TRAPPC6A: variants seen among roughly 807,000 people sequenced by gnomAD.
TRAPPC6A encodes the protein trafficking protein particle complex subunit 6A, also known as TRAPP complex subunit 6A.
In TRAPPC6A, 25 loss-of-function variants were observed where a neutral mutation model predicts 20.8. The ratio of observed to expected loss-of-function variants is 1.20; its 90% CI spans 0.88 to 1.68. The LOEUF (loss-of-function observed/expected upper bound fraction) is 1.68. Among genes scored for constraint, TRAPPC6A ranks in the 40% most tolerant of loss-of-function variants. The probability of loss-of-function intolerance (pLI) is 0.00; values close to 1 mark genes in which losing one functional copy is unlikely to be tolerated. For synonymous variants in TRAPPC6A, 96 were observed against 93.3 expected (o/e 1.03, Z -0.16); for missense variants, 215 against 211.6 (o/e 1.02, Z -0.10).
intron 1 of TRAPPC6A, among the ~76,000 whole-genome samples, chr19:45,174,442 C>T (rs963083680): frequency 1.3e-5 from 2 of 152,170 alleles, no homozygotes; most frequent in Non-Finnish European, 2.9e-5. Context: ...CAGTGGTCAT[C>T]AATACACACC....
At chr19:45,175,738 C>T (rs1177262134) in intron 1 of TRAPPC6A, among the ~76,000 whole-genome samples, 1 of 151,996 alleles carries the variant, frequency 6.6e-6, no homozygotes, top group East Asian at 1.9e-4. Context: ...CTGGGCAGAG[C>T]CTGGGGGAGG....
Position 45,165,165 on chromosome 19 carries a change from C to T in TRAPPC6A, c.114G>A (p.Glu38=), listed in dbSNP as rs1969123387. Reference sequence around the variant, plus strand: ...CCTGGCCCACACGGAACCCCATACCCTCCAGGACCGACAGGCTCATCTTCT... The same window carrying T: ...CCTGGCCCACACGGAACCCCATACCTTCCAGGACCGACAGGCTCATCTTCT... The part of the protein sequence containing the change: ...GGQKMSLSVL[E]GMGFRVGQAL... Residue 38 remains glutamate (E), a synonymous_variant, in exon 2 of 6, where the codon GAG becomes GAA. Coordinates refer to ENST00000585934, the MANE Select transcript of TRAPPC6A (RefSeq NM_001270891.2). 1 of 1,609,014 alleles carries T rather than the reference C, an allele frequency of 6.2e-7. No homozygotes were observed. Among genetic ancestry groups the T allele is most frequent in the East Asian group, 2.3e-5 (1 of 44,250 alleles).
chr19:45,163,869 C>T lies in TRAPPC6A; in HGVS notation c.448+47G>A. On this transcript the variant is annotated intron_variant, in intron 5 of 5. Coordinates refer to ENST00000585934, the MANE Select transcript of TRAPPC6A (RefSeq NM_001270891.2). The surrounding 1 kb of genome is among the most constrained non-coding windows in gnomAD (Gnocchi z 5.3). Reference sequence around the variant, plus strand: ...AGTGGGGCTGGAACTCTGAAGCCCCCAGCAACTCAAGGGATGAGAAGAATC... The same window carrying T: ...AGTGGGGCTGGAACTCTGAAGCCCCTAGCAACTCAAGGGATGAGAAGAATC... 1.3e-6 allele frequency: 2 copies of T among 1,504,792 alleles called. No individual in the cohort carries two copies. The highest frequency in any genetic ancestry group is 1.2e-5 in the South Asian group (1 of 82,668). The allele number at this position is 1,504,792 out of a possible 1,614,324, so 93.2% of individuals were successfully genotyped here.
At position 45,163,988 on chromosome 19, in the gene TRAPPC6A, G is replaced by A. The variant is rs1969078745; in HGVS notation, c.376C>T (p.Leu126Phe). The stretch of plus-strand genomic sequence containing the variant: ...AGGGTATAGAGGGCGCCGCGCAGGA[G>A]GCCGCAGGTGAAGGCCAGGAACTGA... Reference protein sequence around the residue: ...APKFLAFTCGLLRGALYTLGI... With the variant: ...APKFLAFTCGFLRGALYTLGI... Residue 126 changes from leucine to phenylalanine, a missense_variant, in exon 5 of 6, where the codon CTC becomes TTC. Physicochemically the swap from Leu to Phe is conservative, Grantham distance 22. Transcript: ENST00000585934. The surrounding 1 kb of genome is among the most constrained non-coding windows in gnomAD (Gnocchi z 5.3). The A allele has an allele frequency of 1.3e-6, 2 of 1,575,932 alleles. No homozygotes were observed. Among genetic ancestry groups the A allele is most frequent in the Non-Finnish European group, 1.7e-6 (2 of 1,160,910 alleles).
At chr19:45,174,552 C>T (rs1314724195) in intron 1 of TRAPPC6A, among the ~76,000 whole-genome samples, 1 of 152,110 alleles carries the variant, frequency 6.6e-6, no homozygotes, top group African/African-American at 2.4e-5. Context: ...GCAGGGCGTG[C>T]TGGCTCACAC....
At position 45,164,258 on chromosome 19, in the gene TRAPPC6A, G is replaced by A. The variant is rs1969091669; in HGVS notation, c.271-11C>T. ...CAGGACGTAGGTCCCCTGGGGGAGAGGAGAGGCTGGTGGGTGGGGTCGGGG... is the reference window on the plus strand; with the variant it reads ...CAGGACGTAGGTCCCCTGGGGGAGAAGAGAGGCTGGTGGGTGGGGTCGGGG... On this transcript the variant is annotated splice_polypyrimidine_tract_variant and intron_variant, in intron 3 of 5. Coordinates refer to ENST00000585934, the MANE Select transcript of TRAPPC6A (RefSeq NM_001270891.2). The A allele has an allele frequency of 6.3e-7, 1 of 1,585,210 alleles. No homozygotes were observed. The highest frequency in any genetic ancestry group is 8.6e-7 in the Non-Finnish European group (1 of 1,163,212).
Position 45,163,903 on chromosome 19 carries a change from C to A in TRAPPC6A, c.448+13G>T. 2 of 1,564,006 alleles carry A rather than the reference C, an allele frequency of 1.3e-6. No individual in the cohort carries two copies. Among genetic ancestry groups the A allele is most frequent in the Non-Finnish European group, 1.7e-6 (2 of 1,152,932 alleles). On this transcript the variant is annotated intron_variant, in intron 5 of 5. Transcript: ENST00000585934. This position sits in a 1 kb window ranked among gnomAD's most constrained non-coding sequence, Gnocchi z 5.3. ...AAGGGATGAGAAGAATCCCCCCACC[C>A]CCCATGACTCACAGACGGGCAGGGC...
Position 45,173,879 on chromosome 19 carries a change from A to G in TRAPPC6A, c.84+4256T>C, listed in dbSNP as rs1237664318. The stretch of plus-strand genomic sequence containing the variant: ...GGCCTGACACTCAGGCCTCACCCCA[A>G]CCGGGTTCGTCAGAGTCTCTGGTGT... On this transcript the variant is annotated intron_variant, in intron 1 of 5. Coordinates refer to ENST00000585934, the MANE Select transcript of TRAPPC6A (RefSeq NM_001270891.2). The surrounding 1 kb of genome is among the most constrained non-coding windows in gnomAD (Gnocchi z 4.8). 6.6e-6 allele frequency among the ~76,000 whole-genome samples: 1 copy of G among 152,144 alleles called. No homozygotes were observed. The highest frequency in any genetic ancestry group is 1.5e-5 in the Non-Finnish European group (1 of 68,016).
At chr19:45,176,076 T>C (rs1343154057) in intron 1 of TRAPPC6A, among the ~76,000 whole-genome samples, 1 of 151,928 alleles carries the variant, frequency 6.6e-6, no homozygotes, top group East Asian at 1.9e-4. Context: ...CACTGCAGCC[T>C]TGAACTCCTG....
chr19:45,174,988 G>A (rs569806653), intron 1 of TRAPPC6A, among the ~76,000 whole-genome samples: 61 of 150,880 alleles, frequency 4.0e-4, no homozygotes, highest in Admixed American at 1.5e-3. Flanking sequence ...ATTGCCAGGC[G>A]CGGTGGCTCA....
chr19:45,175,388 C>T (rs1969348145), intron 1 of TRAPPC6A, among the ~76,000 whole-genome samples: 3 of 150,388 alleles, frequency 2.0e-5, no homozygotes, highest in Non-Finnish European at 1.5e-5. Flanking sequence ...GATCGCGCCA[C>T]TGCACTCCAG....
At chr19:45,168,894 G>A (rs1336104284) in intron 1 of TRAPPC6A, among the ~76,000 whole-genome samples, 5 of 152,146 alleles carry the variant, frequency 3.3e-5, no homozygotes, top group Admixed American at 3.3e-4. Flanking sequence ...GGGAATGGCG[G>A]GGGGGCCTGA....
Position 45,163,012 on chromosome 19 carries a change from CA to C in TRAPPC6A, c.*179del. 2 of 629,890 alleles carry C rather than the reference CA, an allele frequency of 3.2e-6. No homozygotes were observed. Among genetic ancestry groups the C allele is most frequent in the Non-Finnish European group, 5.4e-6 (2 of 371,628 alleles). The allele number at this position is 629,890 out of a possible 1,614,324, so 39.0% of individuals were successfully genotyped here. A position where few individuals can be genotyped will look rare whatever the true frequency, so the allele number is the denominator to read the frequency against. On this transcript the variant is annotated 3_prime_UTR_variant, in exon 6 of 6. Coordinates refer to ENST00000585934, the MANE Select transcript of TRAPPC6A (RefSeq NM_001270891.2). The surrounding 1 kb of genome is among the most constrained non-coding windows in gnomAD (Gnocchi z 5.3). ...GGGAATCCCACCACAGTCCTGACCG[CA>C]GCTGGGACCCCTTTGCCTCCTCTGA...
chr19:45,166,954 C>T (rs1022249789), intron 1 of TRAPPC6A, among the ~76,000 whole-genome samples: 3 of 152,146 alleles, frequency 2.0e-5, no homozygotes, highest in Non-Finnish European at 4.4e-5. Flanking sequence ...GGCCCAGCTG[C>T]CTCCATCCCT....
chr19:45,163,142 G>C lies in TRAPPC6A; in HGVS notation c.*50C>G. ...ATGCAGCGGCCCCACCGTCTCCTGAGGCCGGTGAGGCCAGGGGCAGCAGTG... is the reference window on the plus strand; with the variant it reads ...ATGCAGCGGCCCCACCGTCTCCTGACGCCGGTGAGGCCAGGGGCAGCAGTG... On this transcript the variant is annotated 3_prime_UTR_variant, in exon 6 of 6. Coordinates refer to ENST00000585934, the MANE Select transcript of TRAPPC6A (RefSeq NM_001270891.2). This position sits in a 1 kb window ranked among gnomAD's most constrained non-coding sequence, Gnocchi z 5.3. 1 of 1,610,348 alleles carries C rather than the reference G, an allele frequency of 6.2e-7. No individual in the cohort carries two copies. Among genetic ancestry groups the C allele is most frequent in the Non-Finnish European group, 8.5e-7 (1 of 1,176,994 alleles).
intron 1 of TRAPPC6A, among the ~76,000 whole-genome samples, chr19:45,171,348 CCAGA>C (rs1166419365): frequency 2.3e-4 from 29 of 126,082 alleles, no homozygotes; most frequent in African/African-American, 7.8e-4. Context: ...GAAGGGCTGG[CCAGA>C]CAGAGACTCT....
chr19:45,177,835 G>A (rs1416074912), intron 1 of TRAPPC6A, among the ~76,000 whole-genome samples: 1 of 152,216 alleles, frequency 6.6e-6, no homozygotes, highest in Non-Finnish European at 1.5e-5. Context: ...CGCACACCTA[G>A]TAAGTGGGGG....
In TRAPPC6A at chr19:45,165,018, G is replaced by A. The variant is rs757127467; in HGVS notation, c.153-48C>T. ...AGGCCGTGGGGCCAGGCCAGGAAGAGGGAGGAAGACAGGCCCGACTCCTGC... is the reference window on the plus strand; with the variant it reads ...AGGCCGTGGGGCCAGGCCAGGAAGAAGGAGGAAGACAGGCCCGACTCCTGC... On this transcript the variant is annotated intron_variant, in intron 2 of 5. Transcript: ENST00000585934. 5 of 1,610,220 alleles carry A rather than the reference G, an allele frequency of 3.1e-6. No individual in the cohort carries two copies. In the Admixed American group the frequency reaches 6.7e-5, roughly 21 times the overall value.
chr19:45,164,992 G>T, intron 2 of TRAPPC6A, 22 bp from the exon 3 acceptor site: 2 of 1,612,992 alleles, frequency 1.2e-6, no homozygotes, highest in Non-Finnish European at 1.7e-6. Context: ...GTACCAAGCT[G>T]AGGCCGTGGG....
Sources: allele counts gnomAD v4.1 joint callset (sites outside exome capture counted in the v4.1 genomes callset), GRCh38; gene constraint gnomAD v4.1.1; non-coding constraint Gnocchi (gnomAD v3.1); transcripts MANE v1.5; gene names NCBI Gene and HGNC (gene_info 2026-07-23, HGNC 2026-07-21).